The following SFMBT2 variants were observed in gnomAD, a reference collection of about 807,000 sequenced individuals.
The protein encoded by SFMBT2 is scm-like with four MBT domains protein 2.
Under a neutral mutation model 110.1 loss-of-function variants are expected in SFMBT2, and 38 were observed. That is an observed-to-expected ratio of 0.35 (90% CI 0.27 to 0.45). The LOEUF is 0.45. Ranked by LOEUF, SFMBT2 falls within the 20% of genes least tolerant of loss-of-function variation. The probability of loss-of-function intolerance (pLI) is 1.00; values close to 1 mark genes in which losing one functional copy is unlikely to be tolerated. For synonymous variants in SFMBT2, 425 were observed against 425.4 expected (o/e 1.00, Z 0.01); for missense variants, 1,011 against 1,094.9 (o/e 0.92, Z 1.08).
In SFMBT2 at chr10:7,180,141, G is replaced by A. The variant is rs1336273084; in HGVS notation, c.1809-3976C>T. On this transcript the variant is annotated intron_variant, in intron 16 of 20. Transcript: ENST00000397167. ...AGGTTTGCTTTTTTTTGCTTTTTTT[G>A]AGACAGGGTCTCACTTAGTCATCCA... Among the ~76,000 whole-genome samples, 6 of 124,858 alleles carry A rather than the reference G, an allele frequency of 4.8e-5. No individual in the cohort carries two copies. The South Asian group carries it at 1.4e-3, about 30-fold the overall frequency. 81.9% of individuals were successfully genotyped at this position (124,858 alleles called of 152,430 possible). A position where few individuals can be genotyped will look rare whatever the true frequency, so the allele number is the denominator to read the frequency against.
chr10:7,377,155 C>T (rs376334316), intron 2 of SFMBT2, among the ~76,000 whole-genome samples: 156 of 104,008 alleles, frequency 1.5e-3, no homozygotes, highest in African/African-American at 6.1e-3. Context: ...GGAGACAGAG[C>T]GAGACTCCAT....
chr10:7,317,178 G>A (rs1843039818), intron 4 of SFMBT2, among the ~76,000 whole-genome samples: 1 of 151,974 alleles, frequency 6.6e-6, no homozygotes, highest in Non-Finnish European at 1.5e-5. Context: ...CTACTCAGAG[G>A]ACTGGCCCAC....
At chr10:7,315,692 T>A (rs182404242) in intron 4 of SFMBT2, among the ~76,000 whole-genome samples, 21 of 152,354 alleles carry the variant, frequency 1.4e-4, no homozygotes, top group Admixed American at 1.1e-3. Flanking sequence ...GAACCCTGAC[T>A]AGTCCATATG....
At chr10:7,270,008 T>A (rs1219752994) in intron 7 of SFMBT2, among the ~76,000 whole-genome samples, 1 of 151,844 alleles carries the variant, frequency 6.6e-6, no homozygotes, top group African/African-American at 2.4e-5. Flanking sequence ...GGTTGAAGAG[T>A]GTCTCCCTGC....
chr10:7,322,216 G>C (rs1843213293), intron 4 of SFMBT2, among the ~76,000 whole-genome samples: 2 of 152,134 alleles, frequency 1.3e-5, no homozygotes, highest in Admixed American at 1.3e-4. Context: ...TTTATACATG[G>C]GAGTTCCCAT....
At chr10:7,298,719 GTA>G (rs1285989430) in intron 4 of SFMBT2, among the ~76,000 whole-genome samples, 15 of 148,048 alleles carry the variant, frequency 1.0e-4, no homozygotes, top group African/African-American at 3.7e-4. Context: ...ATGTGCGTAT[GTA>G]TGTGTGTATG....
intron 9 of SFMBT2, among the ~76,000 whole-genome samples, 182 bp downstream of exon 9, chr10:7,243,376 G>C (rs1302553503): frequency 1.3e-5 from 2 of 152,184 alleles, no homozygotes; most frequent in African/African-American, 4.8e-5. Flanking sequence ...AAGGCCACTC[G>C]CCTCGCCAGG....
rs763042190 is a variant in SFMBT2 at position 7,172,477 on chromosome 10, G to T, written c.2151+18C>A. 1 of 1,612,906 alleles carries T rather than the reference G, an allele frequency of 6.2e-7. No individual in the cohort carries two copies. Among genetic ancestry groups the T allele is most frequent in the Non-Finnish European group, 8.5e-7 (1 of 1,180,016 alleles). On this transcript the variant is annotated intron_variant, in intron 18 of 20. Transcript: ENST00000397167. The surrounding 1 kb of genome is among the most constrained non-coding windows in gnomAD (Gnocchi z 4.6). ...ATGACAGAGCTACAGGCTGGCAGGTGCCCCGGGCAGAACATACCTCCCCCG... is the reference window on the plus strand; with the variant it reads ...ATGACAGAGCTACAGGCTGGCAGGTTCCCCGGGCAGAACATACCTCCCCCG...
At chr10:7,302,553 T>C (rs771670191) in intron 4 of SFMBT2, among the ~76,000 whole-genome samples, 2 of 152,246 alleles carry the variant, frequency 1.3e-5, no homozygotes, top group Non-Finnish European at 2.9e-5. Flanking sequence ...GACTATTCTG[T>C]AAGCAGAGAT....
chr10:7,334,561 T>C (rs1020307544), intron 4 of SFMBT2, among the ~76,000 whole-genome samples: 1 of 152,214 alleles, frequency 6.6e-6, no homozygotes, highest in Non-Finnish European at 1.5e-5. Context: ...TAAAGGTTCC[T>C]GATCATACTC....
chr10:7,171,536 G>A lies in SFMBT2; in HGVS notation c.2415+359C>T, dbSNP rs1402680681. The A allele has an allele frequency of 7.1e-6, 7 of 985,304 alleles. No homozygotes were observed. The highest frequency in any genetic ancestry group is 8.4e-6 in the Non-Finnish European group (7 of 829,930). 61.0% of individuals were successfully genotyped at this position (985,304 alleles called of 1,614,324 possible). On this transcript the variant is annotated intron_variant, in intron 19 of 20. Transcript: ENST00000397167. The surrounding 1 kb of genome is among the most constrained non-coding windows in gnomAD (Gnocchi z 4.9). ...AAACATCACAGAGGTGTCCTATAGA[G>A]GGGACGTGGGAGCAAGACACAGCGC... is the stretch of plus-strand genomic sequence containing the variant.
At chr10:7,241,413 T>C in intron 9 of SFMBT2, 10 of 801,706 alleles carry the variant, frequency 1.2e-5, no homozygotes, top group Non-Finnish European at 1.5e-5. Flanking sequence ...ATGTGTAGTA[T>C]GTATTTGCAT....
At chr10:7,313,855 C>T (rs1050084295) in intron 4 of SFMBT2, among the ~76,000 whole-genome samples, 4 of 152,112 alleles carry the variant, frequency 2.6e-5, no homozygotes, top group African/African-American at 9.7e-5. Context: ...CTTTTCTCAT[C>T]TAAATTTCTA....
At chr10:7,185,733 A>G (rs533520294) in intron 16 of SFMBT2, among the ~76,000 whole-genome samples, 1 of 152,360 alleles carries the variant, frequency 6.6e-6, no homozygotes, top group South Asian at 2.1e-4. Flanking sequence ...CATTCAAAGA[A>G]GAGTTAAGAC....
At position 7,289,456 on chromosome 10, in the gene SFMBT2, C is replaced by T. The variant is rs891801979; in HGVS notation, c.437-3502G>A. 3.3e-5 allele frequency among the ~76,000 whole-genome samples: 5 copies of T among 152,162 alleles called. No individual in the cohort carries two copies. In the South Asian group the frequency reaches 8.3e-4, roughly 25 times the overall value. On this transcript the variant is annotated intron_variant, in intron 4 of 20. Coordinates refer to ENST00000397167, the MANE Select transcript of SFMBT2 (RefSeq NM_001387889.1). ...AGTCATAGCAAGGGAGCTCTAGGGA[C>T]GGCTCTGACATTTACATCTTGCGAG...
chr10:7,370,217 T>C lies in SFMBT2; in HGVS notation c.195+64A>G, dbSNP rs575416712. ...TTCTTCCATTGAGTTCTCCGGCTTC[T>C]CCCTATAGATTCCTTCCCTTCCCAC... is the stretch of plus-strand genomic sequence containing the variant. On this transcript the variant is annotated intron_variant, in intron 3 of 20. Transcript: ENST00000397167. The C allele has an allele frequency of 3.0e-5, 43 of 1,431,686 alleles. No individual in the cohort carries two copies. In the East Asian group the frequency reaches 8.4e-4, roughly 28 times the overall value. 88.7% of individuals were successfully genotyped at this position (1,431,686 alleles called of 1,614,324 possible).
intron 4 of SFMBT2, among the ~76,000 whole-genome samples, chr10:7,319,848 GACAGAGAGAGAC>G (rs1472553161): frequency 6.6e-6 from 1 of 150,998 alleles, no homozygotes; most frequent in Non-Finnish European, 1.5e-5. Flanking sequence ...AAGACAGAGA[GACAGAGAGAGAC>G]ACAGAGGGAG....
At chr10:7,189,010 T>C (rs2131577475) in intron 15 of SFMBT2, 1 of 341,414 alleles carries the variant, frequency 2.9e-6, no homozygotes, top group Non-Finnish European at 4.1e-6. Flanking sequence ...TTAACTCTTC[T>C]AGTTGCAGAA....
At chr10:7,214,931 T>C (rs1473274318) in intron 11 of SFMBT2, among the ~76,000 whole-genome samples, 1 of 152,252 alleles carries the variant, frequency 6.6e-6, no homozygotes, top group Non-Finnish European at 1.5e-5. Context: ...TGGTAACAAC[T>C]GAAAGAGCTA....
Sources: allele counts gnomAD v4.1 joint callset (sites outside exome capture counted in the v4.1 genomes callset), GRCh38; gene constraint gnomAD v4.1.1; non-coding constraint Gnocchi (gnomAD v3.1); transcripts MANE v1.5; gene names NCBI Gene and HGNC (gene_info 2026-07-23, HGNC 2026-07-21).